EPHB1: variants seen among roughly 807,000 people sequenced by gnomAD.
EPHB1 encodes the protein EPH receptor B1.
A neutral mutation model predicts 94.4 loss-of-function variants in EPHB1; 30 were observed. That is an observed-to-expected ratio of 0.32 (90% confidence interval 0.24 to 0.43). EPHB1 has a LOEUF of 0.43. Ranked by LOEUF, EPHB1 falls within the 20% of genes least tolerant of loss-of-function variation. The pLI, the probability that EPHB1 is intolerant of heterozygous loss-of-function variation, is 1.00. For synonymous variants in EPHB1, 522 were observed against 489.1 expected (o/e 1.07, Z -0.89); for missense variants, 1,055 against 1,308.3 (o/e 0.81, Z 2.99).
rs1347288011 is a variant in EPHB1, at chr3:135,201,685, C to T, written c.2342C>T (p.Ser781Phe). 1.1e-5 allele frequency: 17 copies of T among 1,613,460 alleles called. No individual in the cohort carries two copies. The highest frequency in any genetic ancestry group is 1.4e-5 in the Non-Finnish European group (17 of 1,179,756). ...ACCTCAGATCCCACCTACACCAGCT[C>T]CTTGGTGAGTCCTTCTTGGCATTCT... ...DDTSDPTYTS[S>F]LGGKIPVRWT... Residue 781 changes from serine (S) to phenylalanine (F), a missense_variant, in exon 12 of 16, where the codon TCC becomes TTC. Ser to Phe is a radical substitution (Grantham distance 155). Transcript: ENST00000398015.
chr3:134,908,405 G>T (rs2038381329), intron 1 of EPHB1, among the ~76,000 whole-genome samples: 1 of 152,212 alleles, frequency 6.6e-6, no homozygotes, highest in African/African-American at 2.4e-5. Context: ...TGCTTCCAGA[G>T]GCCCTGTGCC....
intron 12 of EPHB1, among the ~76,000 whole-genome samples, chr3:135,239,294 T>TC (rs1943724972): frequency 6.6e-6 from 1 of 152,050 alleles, no homozygotes; most frequent in South Asian, 2.1e-4. Context: ...TCCTTTTTTT[T>TC]TTCTGCCTAG....
chr3:135,029,724 G>A (rs1936349008), intron 3 of EPHB1, among the ~76,000 whole-genome samples: 3 of 151,260 alleles, frequency 2.0e-5, no homozygotes, highest in Non-Finnish European at 4.4e-5. Flanking sequence ...TTCTCGAGGA[G>A]TATCTTTGTG....
intron 11 of EPHB1, among the ~76,000 whole-genome samples, chr3:135,194,921 T>A (rs1435209084): frequency 6.6e-6 from 1 of 152,008 alleles, no homozygotes; most frequent in African/African-American, 2.4e-5. Flanking sequence ...GCTCTAGTCA[T>A]CCTGTGTGTA....
chr3:134,929,155 C>T (rs1278334329), intron 2 of EPHB1, among the ~76,000 whole-genome samples: 1 of 152,116 alleles, frequency 6.6e-6, no homozygotes, highest in African/African-American at 2.4e-5. Context: ...GGGGAAATGG[C>T]TCCTTTCCTG....
intron 2 of EPHB1, among the ~76,000 whole-genome samples, chr3:134,927,287 T>C (rs1466586543): frequency 6.6e-6 from 1 of 152,234 alleles, no homozygotes; most frequent in Non-Finnish European, 1.5e-5. Context: ...GGTTTCTCAC[T>C]GTTACTTTAT....
At chr3:135,157,375 C>T (rs1941385346) in intron 6 of EPHB1, among the ~76,000 whole-genome samples, 1 of 152,212 alleles carries the variant, frequency 6.6e-6, no homozygotes, top group Admixed American at 6.5e-5. Context: ...CCCAAACCAG[C>T]CCAAGCTCCT....
chr3:134,923,306 C>G (rs1467869062), intron 1 of EPHB1, among the ~76,000 whole-genome samples: 1 of 152,168 alleles, frequency 6.6e-6, no homozygotes, highest in Non-Finnish European at 1.5e-5. Flanking sequence ...GAAGTGCTAT[C>G]TGGGTTACAG....
intron 3 of EPHB1, among the ~76,000 whole-genome samples, chr3:134,981,014 A>G (rs1287682642): frequency 1.3e-5 from 2 of 152,166 alleles, no homozygotes; most frequent in Non-Finnish European, 1.5e-5. Context: ...TAATCAAGGG[A>G]TATAAGCACA....
chr3:135,052,373 T>C (rs1937193562), intron 3 of EPHB1, among the ~76,000 whole-genome samples: 1 of 152,062 alleles, frequency 6.6e-6, no homozygotes, highest in Non-Finnish European at 1.5e-5. Flanking sequence ...GAAATCAGGC[T>C]CCTGGGTTAG....
intron 10 of EPHB1, among the ~76,000 whole-genome samples, chr3:135,186,216 A>G (rs1427967319): frequency 6.6e-6 from 1 of 152,234 alleles, no homozygotes; most frequent in African/African-American, 2.4e-5. Context: ...CACTCTCTGG[A>G]TATTAGGTAT....
At chr3:135,253,973 C>A (rs1933247935) in intron 15 of EPHB1, among the ~76,000 whole-genome samples, 1 of 137,956 alleles carries the variant, frequency 7.2e-6, no homozygotes, top group Non-Finnish European at 1.6e-5. Flanking sequence ...CTCTTTGAAG[C>A]AATTGTGAAT....
At chr3:135,010,678 C>A (rs1258662348) in intron 3 of EPHB1, among the ~76,000 whole-genome samples, 1 of 151,480 alleles carries the variant, frequency 6.6e-6, no homozygotes, top group Non-Finnish European at 1.5e-5. Context: ...ATTCTCCTGC[C>A]TCATCCTCGC....
At chr3:134,952,171 G>A (rs549056861) in intron 3 of EPHB1, 119 bp downstream of exon 3, 2 of 1,087,176 alleles carry the variant, frequency 1.8e-6, no homozygotes, top group East Asian at 4.8e-5. Flanking sequence ...TTATTATAAA[G>A]CTCTGAGGAC....
At chr3:135,080,278 A>G (rs1028371878) in intron 3 of EPHB1, among the ~76,000 whole-genome samples, 4 of 152,098 alleles carry the variant, frequency 2.6e-5, no homozygotes, top group African/African-American at 9.7e-5. Flanking sequence ...TTCACAGAGG[A>G]GGTAGAGTGT....
chr3:135,018,876 T>C (rs1935895106), intron 3 of EPHB1, among the ~76,000 whole-genome samples: 1 of 152,146 alleles, frequency 6.6e-6, no homozygotes, highest in African/African-American at 2.4e-5. Flanking sequence ...TTGGTGATGG[T>C]CTCATTTACT....
intron 3 of EPHB1, among the ~76,000 whole-genome samples, chr3:134,994,624 A>C (rs1427689344): frequency 6.6e-6 from 1 of 152,016 alleles, no homozygotes; most frequent in Non-Finnish European, 1.5e-5. Flanking sequence ...AGGTCTTACT[A>C]TGTTGCCCAG....
intron 13 of EPHB1, among the ~76,000 whole-genome samples, chr3:135,243,316 T>C (rs1188069698): frequency 6.6e-6 from 1 of 152,182 alleles, no homozygotes; most frequent in Non-Finnish European, 1.5e-5. Context: ...ATGCTAGTTG[T>C]GACTAAACAC....
intron 1 of EPHB1, among the ~76,000 whole-genome samples, chr3:134,849,245 G>A (rs1199006210): frequency 6.6e-6 from 1 of 152,212 alleles, no homozygotes; most frequent in East Asian, 1.9e-4. Context: ...CGATTGAGTA[G>A]CTTTTGAATG....
Sources: allele counts gnomAD v4.1 joint callset (sites outside exome capture counted in the v4.1 genomes callset), GRCh38; gene constraint gnomAD v4.1.1; transcripts MANE v1.5; gene names NCBI Gene and HGNC (gene_info 2026-07-23, HGNC 2026-07-21).